WNK3: variants seen among roughly 807,000 people sequenced by gnomAD.
WNK3 encodes WNK lysine deficient protein kinase 3, also known as serine/threonine-protein kinase WNK3.
In WNK3, 18 loss-of-function variants were observed where a neutral mutation model predicts 116.7. The ratio of observed to expected loss-of-function variants is 0.15; its 90% CI spans 0.11 to 0.23. The LOEUF (loss-of-function observed/expected upper bound fraction) is 0.23. WNK3 is among the 10% of genes least tolerant of loss of function. The pLI is 1.00. For synonymous variants in WNK3, 404 were observed against 469.4 expected, an observed-to-expected ratio of 0.86 and a Z score of 1.80; for missense variants, 993 against 1,323.8, an observed-to-expected ratio of 0.75 and a Z score of 3.88.
intron 22 of WNK3, among the ~76,000 whole-genome samples, chrX:54,226,712 G>A (rs782177167): frequency 5.7e-5 from 6 of 104,999 alleles, no homozygotes; most frequent in Non-Finnish European, 7.8e-5. Context: ...GTGGTGCCAC[G>A]CGCCTGTGTC....
chrX:54,336,200 A>G (rs782360132), intron 1 of WNK3, among the ~76,000 whole-genome samples: 1 of 110,677 alleles, frequency 9.0e-6, no homozygotes, highest in Admixed American at 9.7e-5. Flanking sequence ...GAGGCAGGAG[A>G]ATCACTTGAA....
intron 22 of WNK3, among the ~76,000 whole-genome samples, chrX:54,212,929 T>C (rs1165670569): frequency 9.0e-6 from 1 of 111,270 alleles, no homozygotes; most frequent in Non-Finnish European, 1.9e-5. Flanking sequence ...TATAGTTCCT[T>C]ATCAGCTAAG....
intron 22 of WNK3, among the ~76,000 whole-genome samples, chrX:54,227,749 A>C: frequency 8.9e-6 from 1 of 112,873 alleles, no homozygotes; most frequent in Non-Finnish European, 1.9e-5. Flanking sequence ...TGGCAACAAA[A>C]AGAAATGAAG....
chrX:54,228,542 C>T (rs782587993), intron 22 of WNK3, among the ~76,000 whole-genome samples, 172 bp downstream of exon 22: 3 of 111,273 alleles, frequency 2.7e-5, no homozygotes, highest in Non-Finnish European at 5.7e-5. Flanking sequence ...TGAATATGTA[C>T]ATGTTTCTTT....
At chrX:54,299,885 A>G in intron 6 of WNK3, among the ~76,000 whole-genome samples, 1 of 109,157 alleles carries the variant, frequency 9.2e-6, no homozygotes, top group African/African-American at 3.3e-5. Flanking sequence ...TTTGGGATGG[A>G]GTCTCACTCT....
Position 54,296,872 on chromosome X carries a change from A to C in WNK3, c.1398+1303T>G, listed in dbSNP as rs1185115650. 8.1e-5 allele frequency among the ~76,000 whole-genome samples: 9 copies of C among 110,478 alleles called. No individual in the cohort carries two copies. In the Admixed American group the frequency reaches 8.7e-4, roughly 11 times the overall value. ...CCACAGAAGTTGCCTTCTGTGATCC[A>C]CTATTGAGAGTGGGGGCTGGTCACA... On this transcript the variant is annotated intron_variant, in intron 7 of 23. Coordinates refer to ENST00000354646, the Ensembl canonical transcript of WNK3.
intron 6 of WNK3, 27 bp downstream of exon 6, chrX:54,301,742 TTA>T (rs2147139277): frequency 8.7e-7 from 1 of 1,146,101 alleles, no homozygotes; most frequent in African/African-American, 1.8e-5. Context: ...CATCTTTCAG[TTA>T]TGTCATTTTG....
chrX:54,293,104 T>C, intron 9 of WNK3, 30 bp downstream of exon 9: 1 of 1,184,028 alleles, frequency 8.4e-7, no homozygotes, highest in Non-Finnish European at 1.1e-6. Flanking sequence ...ACACTGATTA[T>C]ATATTTAAAA....
rs1569537968 is a variant in WNK3, at chrX:54,288,800, TGAA to T, written c.2037+4085_2037+4087del. Among the ~76,000 whole-genome samples, 4 of 111,576 alleles carry T rather than the reference TGAA, an allele frequency of 3.6e-5. No individual in the cohort carries two copies. In the South Asian group the frequency reaches 1.1e-3, roughly 32 times the overall value. ...TTAAATACATCCTTTGTTCCAATGTTGAAGAAGAACTACCTTGGGGTTGTGTTA... is the reference window on the plus strand; with the variant it reads ...TTAAATACATCCTTTGTTCCAATGTTGAAGAACTACCTTGGGGTTGTGTTA... On this transcript the variant is annotated intron_variant, in intron 10 of 23. Transcript: ENST00000354646.
intron 1 of WNK3, among the ~76,000 whole-genome samples, chrX:54,349,091 G>A (rs1373055822): frequency 8.9e-6 from 1 of 112,059 alleles, no homozygotes; most frequent in African/African-American, 3.2e-5. Flanking sequence ...ATCCCAGCAC[G>A]TTGGGAGGCC....
At chrX:54,275,009 A>C (rs1431639740) in intron 10 of WNK3, among the ~76,000 whole-genome samples, 1 of 82,479 alleles carries the variant, frequency 1.2e-5, no homozygotes, top group Non-Finnish European at 2.2e-5. Flanking sequence ...AGACCCTGTC[A>C]CATAAAAAAA....
chrX:54,322,279 A>G (rs2069047406), intron 2 of WNK3, among the ~76,000 whole-genome samples: 1 of 111,638 alleles, frequency 9.0e-6, no homozygotes, highest in Non-Finnish European at 1.9e-5. Context: ...TATATAGAAC[A>G]TTTTACCTAA....
rs782388928 is a variant in WNK3, at chrX:54,277,648, A to G, written c.2037+15240T>C. Among the ~76,000 whole-genome samples, 8 of 111,420 alleles carry G rather than the reference A, an allele frequency of 7.2e-5. No individual in the cohort carries two copies. The East Asian group carries it at 1.4e-3, about 19-fold the overall frequency. On this transcript the variant is annotated intron_variant, in intron 10 of 23. Coordinates refer to ENST00000354646, the Ensembl canonical transcript of WNK3. ...AACGCGCCCGGCCATGATTTTCTAT[A>G]TTTAAAAAAATTTCCAAGGATTCTA...
chrX:54,310,158 ATAT>A (rs1465971904), intron 3 of WNK3, among the ~76,000 whole-genome samples: 2 of 108,752 alleles, frequency 1.8e-5, no homozygotes, highest in African/African-American at 6.6e-5. Flanking sequence ...TACTATAATA[ATAT>A]ACTATAATAC....
intron 21 of WNK3, among the ~76,000 whole-genome samples, chrX:54,232,421 C>T (rs1391480869): frequency 9.0e-6 from 1 of 111,496 alleles, no homozygotes; most frequent in African/African-American, 3.3e-5. Flanking sequence ...GGATTACAGG[C>T]GTGAGCCACT....
chrX:54,276,289 T>G (rs968044254), intron 10 of WNK3, among the ~76,000 whole-genome samples: 32 of 110,571 alleles, frequency 2.9e-4, no homozygotes, highest in Non-Finnish European at 5.9e-4. Context: ...GAGCCAAGAT[T>G]GTGCCACTGA....
chrX:54,270,740 G>A (rs781783945), intron 10 of WNK3, among the ~76,000 whole-genome samples: 40 of 109,662 alleles, frequency 3.6e-4, no homozygotes, highest in Non-Finnish European at 6.1e-4. Context: ...CCTTTCCCCC[G>A]ACCCCTCAAC....
chrX:54,271,425 T>A (rs2068383003), intron 10 of WNK3, among the ~76,000 whole-genome samples: 1 of 111,659 alleles, frequency 9.0e-6, no homozygotes, highest in South Asian at 3.6e-4. Flanking sequence ...GAATCAGAAA[T>A]TTCAAACCCA....
intron 13 of WNK3, among the ~76,000 whole-genome samples, chrX:54,252,616 G>A (rs2068146134): frequency 9.5e-6 from 1 of 104,824 alleles, no homozygotes; most frequent in Admixed American, 1.1e-4. Context: ...GTTGCAGTGA[G>A]CCAAGATCAC....
Sources: allele counts gnomAD v4.1 joint callset (sites outside exome capture counted in the v4.1 genomes callset), GRCh38; gene constraint gnomAD v4.1.1; transcripts MANE v1.5; gene names NCBI Gene and HGNC (gene_info 2026-07-23, HGNC 2026-07-21).